Variants in RSRC1 observed in about 807,000 individuals in gnomAD.
RSRC1 encodes the protein arginine and serine rich coiled-coil 1, also known as serine/Arginine-related protein 53.
A neutral mutation model predicts 49.1 loss-of-function variants in RSRC1; 39 were observed. The ratio of observed to expected loss-of-function variants is 0.79; its 90% CI spans 0.61 to 1.04. RSRC1 has a LOEUF of 1.04. Among genes scored for constraint, RSRC1 ranks in the 50% least tolerant of loss-of-function variants. The pLI is 0.00. For missense variants in RSRC1, 388 were observed against 402.4 expected (o/e 0.96, Z 0.31); for synonymous variants, 143 against 130.8 (o/e 1.09, Z -0.63).
chr3:158,231,209 T>C (rs921504424), intron 4 of RSRC1, among the ~76,000 whole-genome samples: 1 of 131,536 alleles, frequency 7.6e-6, no homozygotes, highest in Non-Finnish European at 1.6e-5. Context: ...AGTCGTGCAA[T>C]CTCAGCTCAC....
At chr3:158,527,318 A>G (rs1194158086) in intron 7 of RSRC1, among the ~76,000 whole-genome samples, 2 of 151,904 alleles carry the variant, frequency 1.3e-5, no homozygotes, top group African/African-American at 4.8e-5. Context: ...AAAAACTTGC[A>G]AACAGAGGCA....
At chr3:158,120,671 A>C (rs1354797769) in intron 1 of RSRC1, among the ~76,000 whole-genome samples, 1 of 147,280 alleles carries the variant, frequency 6.8e-6, no homozygotes, top group Non-Finnish European at 1.5e-5. Context: ...AATATATTAA[A>C]TAGATAATAT....
At chr3:158,280,673 G>A (rs992744306) in intron 4 of RSRC1, among the ~76,000 whole-genome samples, 55 of 105,812 alleles carry the variant, frequency 5.2e-4, no homozygotes, top group African/African-American at 2.0e-3. Flanking sequence ...TTGAGACGGA[G>A]TCTTGCTCTT....
At chr3:158,187,023 A>T (rs1269953233) in intron 3 of RSRC1, among the ~76,000 whole-genome samples, 1 of 152,008 alleles carries the variant, frequency 6.6e-6, no homozygotes, top group Non-Finnish European at 1.5e-5. Context: ...CGGCCATCAG[A>T]TCTCATTGGC....
At chr3:158,363,584 A>G (rs1731601487) in intron 6 of RSRC1, among the ~76,000 whole-genome samples, 1 of 152,156 alleles carries the variant, frequency 6.6e-6, no homozygotes, top group Admixed American at 6.5e-5. Flanking sequence ...CTTCTAATTC[A>G]TAAGTTAAAT....
chr3:158,461,934 A>G (rs1209440917), intron 7 of RSRC1, among the ~76,000 whole-genome samples: 1 of 151,446 alleles, frequency 6.6e-6, no homozygotes, highest in Non-Finnish European at 1.5e-5. Context: ...GAGATTCAGT[A>G]AAACCCAAAG....
chr3:158,375,001 G>T (rs958164450), intron 6 of RSRC1, among the ~76,000 whole-genome samples: 4 of 151,768 alleles, frequency 2.6e-5, no homozygotes, highest in Admixed American at 2.0e-4. Flanking sequence ...ACTTGAAATG[G>T]TCGTTATTTC....
chr3:158,288,027 T>A, intron 4 of RSRC1, among the ~76,000 whole-genome samples: 1 of 152,290 alleles, frequency 6.6e-6, no homozygotes, highest in East Asian at 1.9e-4. Context: ...GCCCCCTTGA[T>A]TTTTTTGTTT....
intron 5 of RSRC1, among the ~76,000 whole-genome samples, chr3:158,318,026 C>CGT (rs143213290): frequency 0.034 from 5,032 of 149,386 alleles, 116 homozygotes; most frequent in African/African-American, 0.071. Context: ...TTTGTGTGTG[C>CGT]GTGTGTGTGT....
At chr3:158,244,947 A>G (rs747732491) in intron 4 of RSRC1, among the ~76,000 whole-genome samples, 27 of 147,822 alleles carry the variant, frequency 1.8e-4, no homozygotes, top group South Asian at 6.4e-4. Flanking sequence ...GGTTGGTTGT[A>G]TCTATTTTAT....
chr3:158,543,625 TGGCCCCCAG>T, intron 9 of RSRC1, 138 bp downstream of exon 9: 1 of 839,910 alleles, frequency 1.2e-6, no homozygotes. Flanking sequence ...AATAGGCATC[TGGCCCCCAG>T]GCCTTTAGAA....
intron 1 of RSRC1, among the ~76,000 whole-genome samples, chr3:158,112,505 TTAAC>T (rs1226371179): frequency 1.3e-5 from 2 of 152,212 alleles, no homozygotes; most frequent in African/African-American, 2.4e-5. Context: ...ATGTTTGAAG[TTAAC>T]TATAACAAAG....
At chr3:158,295,953 A>T (rs188308691) in intron 4 of RSRC1, among the ~76,000 whole-genome samples, 101 of 152,160 alleles carry the variant, frequency 6.6e-4, no homozygotes, top group African/African-American at 2.0e-3. Flanking sequence ...GTGAACATTA[A>T]TATCTTTCTT....
rs1460471626 is a variant in RSRC1 at position 158,318,567 on chromosome 3, ACACAGG to A, written c.531+20494_531+20499del. Among the ~76,000 whole-genome samples the A allele has an allele frequency of 7.2e-5, 11 of 152,272 alleles. No individual in the cohort carries two copies. The South Asian group carries it at 2.3e-3, about 32-fold the overall frequency. On this transcript the variant is annotated intron_variant, in intron 5 of 9. Coordinates refer to ENST00000611884, the MANE Select transcript of RSRC1 (RefSeq NM_001271838.2). ...AGGATTGCCTCATATGTGTTCACAA[ACACAGG>A]CCTTAGTAGTTGGGGGGAAAAAGAA...
intron 5 of RSRC1, among the ~76,000 whole-genome samples, chr3:158,350,618 T>C (rs1418182441): frequency 2.0e-5 from 3 of 152,198 alleles, no homozygotes; most frequent in African/African-American, 7.2e-5. Flanking sequence ...TCTGTAGAAA[T>C]AGTGTTTTTT....
intron 3 of RSRC1, among the ~76,000 whole-genome samples, chr3:158,135,379 C>T (rs1325921480): frequency 6.6e-6 from 1 of 151,462 alleles, no homozygotes; most frequent in African/African-American, 2.4e-5. Flanking sequence ...AAGTGATTCT[C>T]CTGCCTCAGC....
chr3:158,252,150 A>G (rs527408191), intron 4 of RSRC1, among the ~76,000 whole-genome samples: 4 of 150,602 alleles, frequency 2.7e-5, no homozygotes, highest in South Asian at 2.1e-4. Flanking sequence ...TCACTTGGTC[A>G]TGATGAATGA....
chr3:158,302,057 C>CTT (rs34995600), intron 5 of RSRC1, among the ~76,000 whole-genome samples: 67,845 of 143,492 alleles, frequency 0.47, 16,354 homozygotes, highest in East Asian at 0.64. Flanking sequence ...TTTTGTTTTC[C>CTT]TTTTTTTTTG....
chr3:158,158,887 C>T (rs1199433114), intron 3 of RSRC1, among the ~76,000 whole-genome samples: 4 of 150,732 alleles, frequency 2.7e-5, no homozygotes, highest in African/African-American at 4.9e-5. Flanking sequence ...TGCAGTAAGC[C>T]GTGATCGTAC....
Sources: gnomAD v4.1 joint callset for allele counts (sites outside exome capture counted in the v4.1 genomes callset) on GRCh38, gnomAD v4.1.1 for gene constraint, MANE v1.5 for transcripts, NCBI Gene and HGNC (gene_info 2026-07-23, HGNC 2026-07-21) for gene names.